FAM78B: variants seen among roughly 807,000 people sequenced by gnomAD.
FAM78B encodes the protein protein FAM78B.
In FAM78B, 10 loss-of-function variants were observed where a neutral mutation model predicts 20.0. That is an observed-to-expected ratio of 0.50 (90% CI 0.31 to 0.85). The LOEUF (loss-of-function observed/expected upper bound fraction) is 0.85. Ranked by LOEUF, FAM78B falls within the 40% of genes least tolerant of loss-of-function variation. The probability of loss-of-function intolerance (pLI) is 0.05; values close to 1 mark genes in which losing one functional copy is unlikely to be tolerated. For missense variants in FAM78B, 283 were observed against 345.0 expected, an observed-to-expected ratio of 0.82 and a Z score of 1.42; for synonymous variants, 135 against 132.8, an observed-to-expected ratio of 1.02 and a Z score of -0.12.
At chr1:166,134,751 C>T (rs1018319942) in intron 1 of FAM78B, among the ~76,000 whole-genome samples, 7 of 152,130 alleles carry the variant, frequency 4.6e-5, no homozygotes, top group African/African-American at 1.7e-4. Context: ...TAACTTAAAA[C>T]GATTAGAAAA....
downstream of FAM78B, among the ~76,000 whole-genome samples, chr1:166,066,700 T>G (rs563810476): frequency 1.3e-5 from 2 of 152,322 alleles, no homozygotes; most frequent in African/African-American, 4.8e-5. Context: ...ACTCTATAAA[T>G]CATAGTTCTT....
chr1:166,113,752 T>C (rs1423818636), intron 1 of FAM78B, among the ~76,000 whole-genome samples: 1 of 152,102 alleles, frequency 6.6e-6, no homozygotes, highest in Non-Finnish European at 1.5e-5. Flanking sequence ...AATGAAAGGG[T>C]GTTTCCTGGG....
At chr1:166,137,264 G>A (rs949030133) in intron 1 of FAM78B, among the ~76,000 whole-genome samples, 1 of 152,202 alleles carries the variant, frequency 6.6e-6, no homozygotes, top group Non-Finnish European at 1.5e-5. Context: ...AGGACTCTGG[G>A]CTGCATCTGG....
At chr1:166,058,798 G>A (rs1651459294) in exon 3 of FAM78B, 1 of 152,470 alleles carries the variant, frequency 6.6e-6, no homozygotes, top group Non-Finnish European at 1.5e-5. Context: ...ACCCAGCAGT[G>A]GAGATCTTGT....
intron 1 of FAM78B, among the ~76,000 whole-genome samples, chr1:166,152,695 T>TATTTATTGATTG (rs1553224691): frequency 1.1e-4 from 17 of 149,148 alleles, no homozygotes; most frequent in African/African-American, 4.0e-4. Flanking sequence ...TTTATTTATT[T>TATTTATTGATTG]ATTGATGGAA....
At chr1:166,063,196 G>C (rs895203858) in intron 2 of FAM78B, among the ~76,000 whole-genome samples, 4 of 152,224 alleles carry the variant, frequency 2.6e-5, no homozygotes, top group Non-Finnish European at 5.9e-5. Context: ...ACTTCCTGTT[G>C]GCATTGTCTC....
downstream of FAM78B, among the ~76,000 whole-genome samples, chr1:166,067,146 G>C (rs572694985): frequency 1.3e-5 from 2 of 152,252 alleles, no homozygotes; most frequent in South Asian, 4.1e-4. Flanking sequence ...TAATGTTTTG[G>C]TTGGAGACAA....
chr1:166,063,558 G>GA (rs1339245552), intron 2 of FAM78B, among the ~76,000 whole-genome samples: 1 of 139,592 alleles, frequency 7.2e-6, no homozygotes, highest in African/African-American at 2.6e-5. Context: ...CCAGCTCTGT[G>GA]AAAAAATAAT....
Position 166,166,021 on chromosome 1 carries a change from C to G in FAM78B, c.228G>C (p.Gln76His). ...WVVGWIQACN[Q>H]MEFFNTYSDL... is the part of the protein sequence containing the mutation. ...CGCTGTAGGTGTTGAAGAACTCCATCTGATTGCACGCCTGAATCCAGCCCA... is the reference window on the plus strand; with the variant it reads ...CGCTGTAGGTGTTGAAGAACTCCATGTGATTGCACGCCTGAATCCAGCCCA... Residue 76 changes from glutamine to histidine, a missense_variant, in exon 1 of 2, where the codon CAG (glutamine) becomes CAC (histidine). Transcript: ENST00000354422. The G allele has an allele frequency of 6.2e-7, 1 of 1,613,686 alleles. No homozygotes were observed. The highest frequency in any genetic ancestry group is 8.5e-7 in the Non-Finnish European group (1 of 1,179,864).
chr1:166,089,718 T>TG (rs1283120258), intron 1 of FAM78B, among the ~76,000 whole-genome samples: 1 of 150,466 alleles, frequency 6.6e-6, no homozygotes, highest in Non-Finnish European at 1.5e-5. Context: ...AGCTCTGGAA[T>TG]GGGGGGTGAG....
intron 1 of FAM78B, among the ~76,000 whole-genome samples, chr1:166,134,384 C>T (rs1654992597): frequency 6.6e-6 from 1 of 152,102 alleles, no homozygotes; most frequent in African/African-American, 2.4e-5. Context: ...AAGCAACTAG[C>T]TAGTGGCAGA....
exon 3 of FAM78B, chr1:166,060,588 C>G: frequency 7.8e-7 from 1 of 1,288,666 alleles, no homozygotes; most frequent in Non-Finnish European, 1.0e-6. Flanking sequence ...GAGCCGCCAG[C>G]CATTGCTCAC....
chr1:166,070,028 T>C lies in FAM78B; in HGVS notation c.*213A>G. 8.0e-7 allele frequency: 1 copy of C among 1,242,904 alleles called. No individual in the cohort carries two copies. Among genetic ancestry groups the C allele is most frequent in the Non-Finnish European group, 1.0e-6 (1 of 991,448 alleles). 77.0% of individuals were successfully genotyped at this position (1,242,904 alleles called of 1,614,324 possible). ...AATCACAGCAAGTCTGTCAAATCAG[T>C]GATTTCTTTATTCCTAAGAGGAAGG... is the stretch of plus-strand genomic sequence containing the variant. On this transcript the variant is annotated 3_prime_UTR_variant, in exon 2 of 2. Transcript: ENST00000354422.
chr1:166,144,860 G>A (rs1050444755), intron 1 of FAM78B, among the ~76,000 whole-genome samples: 2 of 152,074 alleles, frequency 1.3e-5, no homozygotes, highest in African/African-American at 4.8e-5. Flanking sequence ...CAGGGGTTTT[G>A]CTGTGAACCC....
intron 1 of FAM78B, among the ~76,000 whole-genome samples, chr1:166,097,768 G>A (rs570720662): frequency 7.3e-5 from 11 of 149,746 alleles, no homozygotes; most frequent in East Asian, 2.0e-4. Flanking sequence ...GCCCAGCCCC[G>A]CCCCCACCTG....
At position 166,166,279 on chromosome 1, in the gene FAM78B, T is replaced by C; in HGVS notation, c.-31A>G. On this transcript the variant is annotated 5_prime_UTR_variant, in exon 1 of 2. Coordinates refer to ENST00000354422, the MANE Select transcript of FAM78B (RefSeq NM_001017961.5). ...AGCCCGGTGCCGGCACGGCGCGGCG[T>C]GGGGCAGCGCGGGGGCCCGCGCGGG... The C allele has an allele frequency of 1.6e-6, 2 of 1,273,572 alleles. No individual in the cohort carries two copies. Among genetic ancestry groups the C allele is most frequent in the South Asian group, 5.3e-5 (2 of 37,528 alleles). The allele number at this position is 1,273,572 out of a possible 1,614,324, so 78.9% of individuals were successfully genotyped here. A position where few individuals can be genotyped will look rare whatever the true frequency, so the allele number is the denominator to read the frequency against.
chr1:166,113,428 A>C (rs1447383124), intron 1 of FAM78B, among the ~76,000 whole-genome samples: 1 of 152,272 alleles, frequency 6.6e-6, no homozygotes, highest in Non-Finnish European at 1.5e-5. Flanking sequence ...AGATTAAATT[A>C]AATGTGTGAT....
intron 1 of FAM78B, among the ~76,000 whole-genome samples, chr1:166,102,241 C>T (rs1458449441): frequency 1.3e-5 from 2 of 152,128 alleles, no homozygotes. Flanking sequence ...CCGGTAACAG[C>T]CACTGCAAAA....
chr1:166,067,438 TA>T (rs879468738), downstream of FAM78B, among the ~76,000 whole-genome samples: 1 of 151,902 alleles, frequency 6.6e-6, no homozygotes, highest in African/African-American at 2.4e-5. Context: ...ACCACCCAAC[TA>T]AAACTTAATC....
Sources: allele counts gnomAD v4.1 joint callset (sites outside exome capture counted in the v4.1 genomes callset), GRCh38; gene constraint gnomAD v4.1.1; transcripts MANE v1.5; gene names NCBI Gene and HGNC (gene_info 2026-07-23, HGNC 2026-07-21).